NR6A1: variants seen among roughly 807,000 people sequenced by gnomAD.
NR6A1 encodes the protein nuclear receptor subfamily 6 group A member 1.
Under a neutral mutation model 59.1 loss-of-function variants are expected in NR6A1, and 7 were observed. The observed-to-expected ratio is 0.12, with a 90% CI of 0.07 to 0.22. The LOEUF is 0.22. Ranked by LOEUF, NR6A1 falls within the 10% of genes least tolerant of loss-of-function variation. The pLI is 1.00. For missense variants in NR6A1, 468 were observed against 611.6 expected (o/e 0.77, Z 2.48); for synonymous variants, 243 against 236.1 (o/e 1.03, Z -0.27).
chr9:124,650,504 G>C (rs1837067380), intron 2 of NR6A1, among the ~76,000 whole-genome samples: 1 of 152,068 alleles, frequency 6.6e-6, no homozygotes, highest in South Asian at 2.1e-4. Context: ...TAGAGAGAAG[G>C]AATAAGTTCT....
intron 4 of NR6A1, among the ~76,000 whole-genome samples, chr9:124,541,748 T>C (rs1212034025): frequency 7.9e-5 from 12 of 152,350 alleles, no homozygotes; most frequent in East Asian, 1.9e-4. Flanking sequence ...CACTGCAGCA[T>C]TATTCAAAAT....
At chr9:124,617,988 T>C (rs896110166) in intron 2 of NR6A1, among the ~76,000 whole-genome samples, 1 of 152,214 alleles carries the variant, frequency 6.6e-6, no homozygotes, top group African/African-American at 2.4e-5. Context: ...CAAAGATTAC[T>C]GAAGCCCAAC....
chr9:124,582,612 T>C (rs995125829), intron 2 of NR6A1, among the ~76,000 whole-genome samples: 1 of 149,814 alleles, frequency 6.7e-6, no homozygotes, highest in Admixed American at 6.6e-5. Flanking sequence ...CTGGGCCAGG[T>C]GGAGTGGCCC....
chr9:124,539,256 T>C (rs538843874), intron 5 of NR6A1, among the ~76,000 whole-genome samples: 1 of 152,214 alleles, frequency 6.6e-6, no homozygotes, highest in Non-Finnish European at 1.5e-5. Context: ...GTATCTCCTA[T>C]AACTGGGGTT....
chr9:124,744,841 G>T (rs1408071370), intron 1 of NR6A1, among the ~76,000 whole-genome samples: 1 of 152,240 alleles, frequency 6.6e-6, no homozygotes, highest in Non-Finnish European at 1.5e-5. Context: ...TCAACAGATG[G>T]TTTGATGGAA....
intron 2 of NR6A1, among the ~76,000 whole-genome samples, chr9:124,634,779 G>A (rs1266430313): frequency 3.3e-5 from 5 of 152,124 alleles, no homozygotes; most frequent in Admixed American, 2.0e-4. Context: ...CCGAGATCGC[G>A]CCACTGCACT....
intron 2 of NR6A1, among the ~76,000 whole-genome samples, chr9:124,687,923 A>C (rs571700271): frequency 5.9e-5 from 9 of 152,248 alleles, no homozygotes; most frequent in Non-Finnish European, 1.2e-4. Context: ...CATATATATT[A>C]TGTTTCTGCC....
intron 2 of NR6A1, chr9:124,698,228 C>T (rs1838828184): frequency 6.6e-6 from 1 of 152,098 alleles, no homozygotes; most frequent in Non-Finnish European, 1.5e-5. Flanking sequence ...TGTCTTTCTA[C>T]TCTGGTTTCT....
intron 7 of NR6A1, 57 bp from the exon 8 acceptor site, chr9:124,526,957 AG>A: frequency 6.2e-7 from 1 of 1,604,744 alleles, no homozygotes; most frequent in Non-Finnish European, 8.5e-7. Context: ...GGGCCAGGAA[AG>A]GGCAGCCAGA....
At chr9:124,567,107 CAA>C (rs796647682) in intron 2 of NR6A1, among the ~76,000 whole-genome samples, 2 of 121,640 alleles carry the variant, frequency 1.6e-5, no homozygotes, top group African/African-American at 3.0e-5. Context: ...GACTCCGTCT[CAA>C]AAAAAAAAAA....
In NR6A1 at chr9:124,520,830, T is replaced by A. The variant is rs985498935; in HGVS notation, c.*1875A>T. The A allele has an allele frequency of 6.6e-6, 1 of 152,196 alleles. No homozygotes were observed. Among genetic ancestry groups the A allele is most frequent in the Non-Finnish European group, 1.5e-5 (1 of 68,026 alleles). 9.4% of individuals were successfully genotyped at this position (152,196 alleles called of 1,614,324 possible). ...CCACTGACGTGAAAAACATGCTAGC[T>A]GGAGCTTTTCCTGAGGAACATGTCT... is the stretch of plus-strand genomic sequence containing the variant. On this transcript the variant is annotated 3_prime_UTR_variant, in exon 10 of 10. Transcript: ENST00000487099.
At chr9:124,539,878 T>TTTTA (rs1833388519) in intron 5 of NR6A1, among the ~76,000 whole-genome samples, 155 bp downstream of exon 5, 1 of 152,184 alleles carries the variant, frequency 6.6e-6, no homozygotes, top group Non-Finnish European at 1.5e-5. Flanking sequence ...GAAACACTGT[T>TTTTA]TTTAATCTTC....
In NR6A1 at chr9:124,640,726, A is replaced by G. The variant is rs1588733109; in HGVS notation, c.143-86156T>C. Among the ~76,000 whole-genome samples, 2 of 151,766 alleles carry G rather than the reference A, an allele frequency of 1.3e-5. 1 individual carries two copies. The highest frequency in any genetic ancestry group is 4.2e-4 in the South Asian group (2 of 4,794). ...AGTCCAATCTTTTTTACACACATAT[A>G]CATCTCTCTCTCCTTGCCAGCACCC... On this transcript the variant is annotated intron_variant, in intron 2 of 9. Coordinates refer to ENST00000487099, the MANE Select transcript of NR6A1 (RefSeq NM_033334.4).
Position 124,520,484 on chromosome 9 carries a change from T to C in NR6A1, c.*2221A>G, listed in dbSNP as rs1233256210. 1 of 152,262 alleles carries C rather than the reference T, an allele frequency of 6.6e-6. No individual in the cohort carries two copies. Among genetic ancestry groups the C allele is most frequent in the African/African-American group, 2.4e-5 (1 of 41,468 alleles). 9.4% of individuals were successfully genotyped at this position (152,262 alleles called of 1,614,324 possible). ...ACAACTTGCTCTGTTCAATACTACGTTGTTGGAGAGACATGTTCTTGCCTC... is the reference window on the plus strand; with the variant it reads ...ACAACTTGCTCTGTTCAATACTACGCTGTTGGAGAGACATGTTCTTGCCTC... On this transcript the variant is annotated 3_prime_UTR_variant, in exon 10 of 10. Coordinates refer to ENST00000487099, the MANE Select transcript of NR6A1 (RefSeq NM_033334.4).
Position 124,624,467 on chromosome 9 carries a change from C to T in NR6A1, c.143-69897G>A, listed in dbSNP as rs559288418. Reference sequence around the variant, plus strand: ...TCCCTCTGAATGGGTAATATCCAGCCACTCCAATTAGTTTCATATTAGGTA... The same window carrying T: ...TCCCTCTGAATGGGTAATATCCAGCTACTCCAATTAGTTTCATATTAGGTA... On this transcript the variant is annotated intron_variant, in intron 2 of 9. Coordinates refer to ENST00000487099, the MANE Select transcript of NR6A1 (RefSeq NM_033334.4). Among the ~76,000 whole-genome samples the T allele has an allele frequency of 6.6e-5, 10 of 152,288 alleles. No individual in the cohort carries two copies. The East Asian group carries it at 1.9e-3, about 29-fold the overall frequency.
chr9:124,522,873 G>A (rs1832832348), intron 9 of NR6A1, 80 bp from the exon 10 acceptor site: 1 of 1,123,688 alleles, frequency 8.9e-7, no homozygotes, highest in Non-Finnish European at 1.3e-6. Flanking sequence ...GGCTGGTGGA[G>A]GCAGAGTATC....
intron 2 of NR6A1, among the ~76,000 whole-genome samples, chr9:124,694,183 T>C (rs1838664394): frequency 6.6e-6 from 1 of 152,172 alleles, no homozygotes; most frequent in South Asian, 2.1e-4. Context: ...TGTATAATTA[T>C]AATAAACTTA....
intron 9 of NR6A1, among the ~76,000 whole-genome samples, chr9:124,523,765 A>G (rs1832857994): frequency 6.6e-6 from 1 of 152,156 alleles, no homozygotes; most frequent in African/African-American, 2.4e-5. Flanking sequence ...AAGAAATAGA[A>G]AAAAAAATTC....
chr9:124,666,469 G>C (rs888184402), intron 2 of NR6A1, among the ~76,000 whole-genome samples: 5 of 152,002 alleles, frequency 3.3e-5, no homozygotes, highest in African/African-American at 9.7e-5. Flanking sequence ...TGTAGAAACA[G>C]GGTTTTGCCA....
Sources: gnomAD v4.1 joint callset for allele counts (sites outside exome capture counted in the v4.1 genomes callset) on GRCh38, gnomAD v4.1.1 for gene constraint, MANE v1.5 for transcripts, NCBI Gene and HGNC (gene_info 2026-07-23, HGNC 2026-07-21) for gene names.